SMOC1: variants seen among roughly 807,000 people sequenced by gnomAD.
SMOC1 encodes the protein SPARC related modular calcium binding 1.
SMOC1 carries 22 observed loss-of-function variants against 56.3 expected under a neutral mutation model. The observed-to-expected ratio is 0.39, with a 90% CI of 0.28 to 0.56. The LOEUF (loss-of-function observed/expected upper bound fraction) is 0.56. Among genes scored for constraint, SMOC1 ranks in the 20% least tolerant of loss-of-function variants. The pLI, the probability that SMOC1 is intolerant of heterozygous loss-of-function variation, is 0.61. For synonymous variants in SMOC1, 193 were observed against 215.0 expected (o/e 0.90, Z 0.89); for missense variants, 509 against 565.4 (o/e 0.90, Z 1.01).
At chr14:70,014,750 C>G (rs1021982851) in intron 10 of SMOC1, among the ~76,000 whole-genome samples, 1 of 152,182 alleles carries the variant, frequency 6.6e-6, no homozygotes, top group Non-Finnish European at 1.5e-5. Context: ...GCAGCCTGCT[C>G]TGAACTTATA....
At position 70,023,404 on chromosome 14, in the gene SMOC1, T is replaced by G; in HGVS notation, c.1248T>G (p.Ile416Met). The change falls in exon 11 of 12, where the codon ATT becomes ATG. Residue 416 changes from isoleucine (I) to methionine (M), a missense_variant. By Grantham distance (10) the Ile-to-Met change is conservative (BLOSUM62 1). Coordinates refer to ENST00000361956, the MANE Select transcript of SMOC1 (RefSeq NM_001034852.3). ...DYCDLNKDKV[I>M]SLPELKGCLG... is the part of the protein sequence containing the mutation. ...GTGACCTGAACAAAGACAAGGTCAT[T>G]TCACTGCCTGAGCTGAAGGGCTGCC... 6.2e-7 allele frequency: 1 copy of G among 1,614,050 alleles called. No homozygotes were observed. Among genetic ancestry groups the G allele is most frequent in the Non-Finnish European group, 8.5e-7 (1 of 1,180,032 alleles).
At chr14:69,971,913 G>C (rs893299152) in intron 3 of SMOC1, among the ~76,000 whole-genome samples, 1 of 152,150 alleles carries the variant, frequency 6.6e-6, no homozygotes, top group African/African-American at 2.4e-5. Context: ...ATGTTCTTTT[G>C]TCCTCATCAG....
intron 10 of SMOC1, among the ~76,000 whole-genome samples, chr14:70,021,186 G>A (rs984501676): frequency 1.3e-5 from 2 of 152,170 alleles, no homozygotes; most frequent in Non-Finnish European, 2.9e-5. Flanking sequence ...AGAGAACTGA[G>A]TTCCTTCCTT....
At chr14:69,959,470 A>G (rs1883296491) in intron 3 of SMOC1, among the ~76,000 whole-genome samples, 1 of 152,246 alleles carries the variant, frequency 6.6e-6, no homozygotes, top group Non-Finnish European at 1.5e-5. Flanking sequence ...TATAGAATAT[A>G]AAACTCTATT....
chr14:69,883,880 A>C lies in SMOC1; in HGVS notation c.99+4103A>C, dbSNP rs1009581974. The stretch of plus-strand genomic sequence containing the variant: ...GAATGCATTTCCCTGATGATTAGTG[A>C]TGTTGAGCATTTTTTTTTTTTTTTT... On this transcript the variant is annotated intron_variant, in intron 1 of 11. Coordinates refer to ENST00000361956, the MANE Select transcript of SMOC1 (RefSeq NM_001034852.3). 4.2e-5 allele frequency among the ~76,000 whole-genome samples: 5 copies of C among 120,368 alleles called. No individual in the cohort carries two copies. In the East Asian group the frequency reaches 1.1e-3, roughly 27 times the overall value. 79.0% of individuals were successfully genotyped at this position (120,368 alleles called of 152,430 possible).
chr14:69,933,675 G>A (rs538836262), intron 1 of SMOC1, among the ~76,000 whole-genome samples: 20 of 152,018 alleles, frequency 1.3e-4, no homozygotes, highest in African/African-American at 3.9e-4. Context: ...ACACCACCAC[G>A]CCTGGCTTAT....
chr14:69,904,603 T>C (rs757035755), intron 1 of SMOC1, among the ~76,000 whole-genome samples: 1 of 152,220 alleles, frequency 6.6e-6, no homozygotes, highest in Non-Finnish European at 1.5e-5. Flanking sequence ...GTCCTGAAAA[T>C]GCCCAGGAGA....
chr14:69,965,262 T>C lies in SMOC1; in HGVS notation c.379-10453T>C, dbSNP rs577164661. Among the ~76,000 whole-genome samples, 13 of 152,034 alleles carry C rather than the reference T, an allele frequency of 8.6e-5. No homozygotes were observed. The South Asian group carries it at 2.1e-3, about 24-fold the overall frequency. On this transcript the variant is annotated intron_variant, in intron 3 of 11. Transcript: ENST00000361956. ...CAGGTGTGGTGGTACATGCCTGTAG[T>C]CCCAGCTACTTGGGAGGCTCAGGCA...
At chr14:70,013,547 T>C (rs778775875) in intron 10 of SMOC1, 56 bp downstream of exon 10, 50 of 1,448,056 alleles carry the variant, frequency 3.5e-5, no homozygotes, top group Non-Finnish European at 4.6e-5. Context: ...CCCTGACTTT[T>C]CAAATGCTGA....
At chr14:69,910,827 C>T (rs997144274) in intron 1 of SMOC1, among the ~76,000 whole-genome samples, 4 of 152,130 alleles carry the variant, frequency 2.6e-5, no homozygotes, top group African/African-American at 4.8e-5. Flanking sequence ...CTTGAGGGTA[C>T]GCTGTCCTCT....
intron 7 of SMOC1, among the ~76,000 whole-genome samples, chr14:69,997,205 G>A (rs1316180442): frequency 6.6e-6 from 1 of 152,182 alleles, no homozygotes; most frequent in Non-Finnish European, 1.5e-5. Context: ...TCCCTGACAT[G>A]CCCAGGTAAG....
chr14:70,030,886 GCT>G lies in SMOC1; in HGVS notation c.*632_*633del, dbSNP rs1282870534. 6.6e-6 allele frequency: 1 copy of G among 152,238 alleles called. No homozygotes were observed. The highest frequency in any genetic ancestry group is 1.5e-5 in the Non-Finnish European group (1 of 68,158). 9.4% of individuals were successfully genotyped at this position (152,238 alleles called of 1,614,324 possible). A position where few individuals can be genotyped will look rare whatever the true frequency, so the allele number is the denominator to read the frequency against. ...GTTGTCAAAATTGATAAGTCACTTG[GCT>G]CTCGGCCTTGTCCAGGGAGGTTGGG... On this transcript the variant is annotated 3_prime_UTR_variant, in exon 12 of 12. Transcript: ENST00000361956.
At chr14:69,971,074 AG>A (rs1369423541) in intron 3 of SMOC1, among the ~76,000 whole-genome samples, 1 of 152,172 alleles carries the variant, frequency 6.6e-6, no homozygotes, top group African/African-American at 2.4e-5. Context: ...GCTAGAGTGC[AG>A]GGGTGTGATC....
At chr14:69,975,624 G>T (rs367641959) in intron 3 of SMOC1, 91 bp from the exon 4 acceptor site, 3 of 935,370 alleles carry the variant, frequency 3.2e-6, no homozygotes, top group African/African-American at 1.6e-5. Context: ...CTCTTTCACC[G>T]TATGGGTGAT....
intron 5 of SMOC1, 102 bp from the exon 6 acceptor site, chr14:69,992,315 G>C: frequency 9.2e-7 from 1 of 1,090,508 alleles, no homozygotes; most frequent in Non-Finnish European, 1.4e-6. Context: ...GGACTTGGCC[G>C]GGCCTTGTAC....
intron 5 of SMOC1, among the ~76,000 whole-genome samples, chr14:69,984,806 G>A (rs929788207): frequency 3.2e-4 from 48 of 150,276 alleles, no homozygotes; most frequent in African/African-American, 1.1e-3. Flanking sequence ...GCAGTGAGCC[G>A]AGATCGCGCC....
At chr14:69,953,846 T>A (rs906846577) in intron 3 of SMOC1, among the ~76,000 whole-genome samples, 3 of 152,166 alleles carry the variant, frequency 2.0e-5, no homozygotes, top group African/African-American at 7.2e-5. Context: ...TTCTGTTAAA[T>A]GTGAGCTGAT....
At position 69,897,200 on chromosome 14, in the gene SMOC1, G is replaced by A. The variant is rs528828620; in HGVS notation, c.99+17423G>A. ...GTCTGGGGGTTGGAAAGCCAATAAA[G>A]GCAGAGCCTGTTGTGTAACCACACA... On this transcript the variant is annotated intron_variant, in intron 1 of 11. Coordinates refer to ENST00000361956, the MANE Select transcript of SMOC1 (RefSeq NM_001034852.3). Among the ~76,000 whole-genome samples the A allele has an allele frequency of 7.2e-5, 11 of 152,228 alleles. No homozygotes were observed. In the East Asian group the frequency reaches 1.9e-3, roughly 27 times the overall value.
chr14:69,925,898 GA>G (rs1352992318), intron 1 of SMOC1, among the ~76,000 whole-genome samples: 2 of 152,162 alleles, frequency 1.3e-5, no homozygotes, highest in East Asian at 3.8e-4. Flanking sequence ...AGACCACCAC[GA>G]AAGACAGACA....
Sources: gnomAD v4.1 joint callset for allele counts (sites outside exome capture counted in the v4.1 genomes callset) on GRCh38, gnomAD v4.1.1 for gene constraint, MANE v1.5 for transcripts, NCBI Gene and HGNC (gene_info 2026-07-23, HGNC 2026-07-21) for gene names.